The following ATG7 variants were observed in gnomAD, a reference collection of about 807,000 sequenced individuals.
ATG7 encodes ubiquitin-like modifier-activating enzyme ATG7.
ATG7 carries 70 observed loss-of-function variants against 82.4 expected under a neutral mutation model. That is an observed-to-expected ratio of 0.85 (90% CI 0.70 to 1.04). The LOEUF (loss-of-function observed/expected upper bound fraction) is 1.04. Ranked by LOEUF, ATG7 falls within the 50% of genes least tolerant of loss-of-function variation. The pLI is 0.00. For synonymous variants in ATG7, 287 were observed against 313.0 expected (o/e 0.92, Z 0.88); for missense variants, 792 against 864.3 (o/e 0.92, Z 1.05).
downstream of ATG7, chr3:11,558,563 A>T: frequency 1.3e-6 from 2 of 1,599,544 alleles, no homozygotes; most frequent in Non-Finnish European, 1.7e-6. Context: ...CCTTCAGGAG[A>T]CCACAGAGGG....
the ATG7 span, among the ~76,000 whole-genome samples, chr3:11,569,288 G>C: frequency 9.5e-4 from 145 of 152,348 alleles, no homozygotes; most frequent in African/African-American, 3.2e-3. Flanking sequence ...ATCTGAGTCT[G>C]AGTTCCTCTG....
At chr3:11,540,585 G>A (rs1480538711) in intron 20 of ATG7, among the ~76,000 whole-genome samples, 1 of 151,668 alleles carries the variant, frequency 6.6e-6, no homozygotes, top group African/African-American at 2.4e-5. Flanking sequence ...AGGCTGCAGT[G>A]AGCAGTGATC....
At chr3:11,486,484 C>G (rs930055651) in intron 20 of ATG7, among the ~76,000 whole-genome samples, 3 of 151,744 alleles carry the variant, frequency 2.0e-5, no homozygotes, top group Non-Finnish European at 2.9e-5. Flanking sequence ...CATCTGCAAA[C>G]AGGGACAATT....
At chr3:11,491,963 G>C (rs1233596843) in intron 20 of ATG7, among the ~76,000 whole-genome samples, 8 of 152,210 alleles carry the variant, frequency 5.3e-5, no homozygotes, top group Non-Finnish European at 8.8e-5. Context: ...AGGCAGGTAG[G>C]CCTCCTTGAG....
chr3:11,378,685 C>CAAAAAAAAAAA (rs368506515), intron 18 of ATG7, among the ~76,000 whole-genome samples: 13 of 78,932 alleles, frequency 1.6e-4, no homozygotes, highest in African/African-American at 8.4e-4. Context: ...ACTCCATCTC[C>CAAAAAAAAAAA]AAAAAAAAAA....
intron 19 of ATG7, among the ~76,000 whole-genome samples, chr3:11,423,435 T>A (rs2082103728): frequency 1.3e-5 from 2 of 152,208 alleles, no homozygotes; most frequent in South Asian, 4.1e-4. Flanking sequence ...ATGGTATTGA[T>A]TCCTTTGCTC....
At chr3:11,460,270 A>G (rs2086179265) in intron 20 of ATG7, among the ~76,000 whole-genome samples, 1 of 152,212 alleles carries the variant, frequency 6.6e-6, no homozygotes, top group African/African-American at 2.4e-5. Flanking sequence ...TGAGGAGCAT[A>G]CATAGGCCAT....
the ATG7 span, among the ~76,000 whole-genome samples, chr3:11,567,054 G>A: frequency 6.6e-6 from 1 of 152,130 alleles, no homozygotes; most frequent in South Asian, 2.1e-4. Context: ...GAGCTGCTAA[G>A]GGCTGAGCAG....
chr3:11,571,783 C>A, the ATG7 span, among the ~76,000 whole-genome samples: 1 of 152,166 alleles, frequency 6.6e-6, no homozygotes, highest in Non-Finnish European at 1.5e-5. Flanking sequence ...CCATCTATTG[C>A]GAGACAGCTG....
intron 20 of ATG7, chr3:11,510,124 G>A (rs1436650744): frequency 5.0e-6 from 2 of 402,128 alleles, no homozygotes; most frequent in African/African-American, 2.1e-5. Context: ...GCAGAAATTA[G>A]AAGGAAGGTA....
intron 20 of ATG7, among the ~76,000 whole-genome samples, chr3:11,439,953 G>C (rs1355702043): frequency 6.6e-6 from 1 of 152,204 alleles, no homozygotes; most frequent in Non-Finnish European, 1.5e-5. Context: ...CAAGACTGTA[G>C]CTATGCTCAG....
intron 18 of ATG7, among the ~76,000 whole-genome samples, chr3:11,378,262 C>T (rs2077583452): frequency 6.6e-6 from 1 of 150,612 alleles, no homozygotes; most frequent in South Asian, 2.1e-4. Context: ...GGTGATCTGC[C>T]CGCCTCAGCC....
intron 20 of ATG7, among the ~76,000 whole-genome samples, chr3:11,441,470 G>A (rs575934372): frequency 4.0e-5 from 6 of 151,440 alleles, no homozygotes; most frequent in African/African-American, 7.3e-5. Context: ...TCTTGCACTC[G>A]TGACCTCATG....
intron 18 of ATG7, among the ~76,000 whole-genome samples, chr3:11,367,339 CT>C (rs900338636): frequency 6.6e-6 from 1 of 152,110 alleles, no homozygotes; most frequent in African/African-American, 2.4e-5. Flanking sequence ...CCTTTGTGTA[CT>C]TTGTATGCAA....
At chr3:11,518,770 G>C (rs2092354443) in intron 20 of ATG7, among the ~76,000 whole-genome samples, 1 of 152,086 alleles carries the variant, frequency 6.6e-6, no homozygotes, top group Non-Finnish European at 1.5e-5. Flanking sequence ...CACTTGATAG[G>C]AGCTGAAAAG....
chr3:11,383,422 TATATA>T (rs1192102243), intron 19 of ATG7, among the ~76,000 whole-genome samples: 1 of 152,196 alleles, frequency 6.6e-6, no homozygotes, highest in East Asian at 1.9e-4. Flanking sequence ...TGTCAGGAGT[TATATA>T]ATATATTATA....
At chr3:11,290,725 C>G in intron 3 of ATG7, 1 of 199,658 alleles carries the variant, frequency 5.0e-6, no homozygotes, top group South Asian at 5.9e-5. Flanking sequence ...ACCCTTGTCG[C>G]CCAGGCTGGA....
chr3:11,480,083 A>G (rs1278482387), intron 20 of ATG7, among the ~76,000 whole-genome samples: 2 of 151,970 alleles, frequency 1.3e-5, no homozygotes, highest in Admixed American at 6.5e-5. Context: ...GCCCGCCACC[A>G]TGCTCAGCTA....
rs555444992 is a variant in ATG7 at position 11,496,941 on chromosome 3, CCT to C, written c.2080-57867_2080-57866del. On this transcript the variant is annotated intron_variant, in intron 20 of 20. Transcript: ENST00000693202. The stretch of plus-strand genomic sequence containing the variant: ...GTGGTGTGATCTCGGCTCACTGCAA[CCT>C]CTGTTTCAAGTGATTCTCCTGCCTC... Among the ~76,000 whole-genome samples, 77 of 151,684 alleles carry C rather than the reference CCT, an allele frequency of 5.1e-4. No individual in the cohort carries two copies. The South Asian group carries it at 0.016, about 31-fold the overall frequency.
Sources: allele counts gnomAD v4.1 joint callset (sites outside exome capture counted in the v4.1 genomes callset), GRCh38; gene constraint gnomAD v4.1.1; transcripts MANE v1.5; gene names NCBI Gene and HGNC (gene_info 2026-07-23, HGNC 2026-07-21).